INTS1: variants seen among roughly 807,000 people sequenced by gnomAD.
INTS1 encodes the protein integrator complex subunit 1.
Under a neutral mutation model 241.6 loss-of-function variants are expected in INTS1, and 137 were observed. The ratio of observed to expected loss-of-function variants is 0.57; its 90% CI spans 0.49 to 0.65. The LOEUF (loss-of-function observed/expected upper bound fraction) is 0.65, where lower values mean the gene tolerates loss of function less well. INTS1 is among the 30% of genes least tolerant of loss of function. INTS1 has a pLI of 0.00. For synonymous variants in INTS1, 1,692 were observed against 1,337.8 expected (o/e 1.26, Z -5.78); for missense variants, 3,073 against 3,032.2 (o/e 1.01, Z -0.32).
At chr7:1,492,962 G>A (rs1271819026) in intron 16 of INTS1, 48 bp downstream of exon 16, 1 of 1,448,598 alleles carries the variant, frequency 6.9e-7, no homozygotes, top group Non-Finnish European at 9.6e-7. Flanking sequence ...GTGGGGAGCG[G>A]GGCGCGGGCT....
At position 1,493,081 on chromosome 7, in the gene INTS1, C is replaced by T. The variant is rs763452655; in HGVS notation, c.2094G>A (p.Arg698=). ...TCAGAACGGCGTCGATCAGCTGGGT[C>T]CTCCCCACCTTCAGCACCTCCACAT... ...ADDVEVLKVG[R]TQLIDAVLNL... Residue 698 remains arginine, a synonymous_variant, in exon 16 of 48, where the codon AGG becomes AGA. Coordinates refer to ENST00000404767, the MANE Select transcript of INTS1 (RefSeq NM_001080453.3). The surrounding 1 kb of genome is among the most constrained non-coding windows in gnomAD (Gnocchi z 5.3). 1 of 1,613,552 alleles carries T rather than the reference C, an allele frequency of 6.2e-7. No homozygotes were observed.
intron 24 of INTS1, among the ~76,000 whole-genome samples, chr7:1,484,711 A>G (rs1252062042): frequency 6.6e-6 from 1 of 152,186 alleles, no homozygotes; most frequent in Non-Finnish European, 1.5e-5. Flanking sequence ...TGCTGTGAAC[A>G]AGGCACCCTC....
intron 26 of INTS1, chr7:1,483,445 C>G (rs1782092352): frequency 2.0e-6 from 1 of 490,076 alleles, no homozygotes; most frequent in South Asian, 2.1e-5. Context: ...CAGGCCTACA[C>G]GGTTAGGCTG....
rs921890234 is a variant in INTS1 at position 1,500,445 on chromosome 7, G to C, written c.350-79C>G. ...AGCCTCGGGACACCGGGAAGACCAC[G>C]AGGAACCCAGAGCTCTCAGGGTCGG... On this transcript the variant is annotated intron_variant, in intron 3 of 47. Transcript: ENST00000404767. 30 of 1,401,516 alleles carry C rather than the reference G, an allele frequency of 2.1e-5. No homozygotes were observed. The Admixed American group carries it at 7.0e-4, about 33-fold the overall frequency. 86.8% of individuals were successfully genotyped at this position (1,401,516 alleles called of 1,614,324 possible).
intron 27 of INTS1, chr7:1,482,313 G>A (rs1249158768): frequency 4.7e-6 from 2 of 422,220 alleles, no homozygotes; most frequent in Admixed American, 4.1e-5. Flanking sequence ...AGACCCCTGA[G>A]CCTGACAGTA....
At position 1,476,023 on chromosome 7, in the gene INTS1, C is replaced by CT. The variant is rs1454706775; in HGVS notation, c.5426dup (p.Arg1810AlafsTer10). On this transcript the variant is annotated frameshift_variant, in exon 39 of 48. Coordinates refer to ENST00000404767, the MANE Select transcript of INTS1 (RefSeq NM_001080453.3). LOFTEE classifies it high-confidence loss of function. ...GCACGGGCACCCGCAGCTCCGGCCG[C>CT]TGTAGGTAGAGCTGCAGGAGAAGGT... The CT allele has an allele frequency of 6.5e-7, 1 of 1,546,102 alleles. No homozygotes were observed.
intron 22 of INTS1, among the ~76,000 whole-genome samples, chr7:1,485,993 G>A (rs546473630): frequency 6.6e-6 from 1 of 152,174 alleles, no homozygotes; most frequent in South Asian, 2.1e-4. Context: ...GTAGAGATGG[G>A]TATCATTATG....
rs570996091 is a variant in INTS1 at position 1,482,790 on chromosome 7, C to A, written c.3542-83G>T. ...ACCGCTGGTGCCAAGGCTAGAGGCACCTCCTCTCCCGAGAAGGAAACTGAG... is the reference window on the plus strand; with the variant it reads ...ACCGCTGGTGCCAAGGCTAGAGGCAACTCCTCTCCCGAGAAGGAAACTGAG... On this transcript the variant is annotated intron_variant, in intron 26 of 47. Transcript: ENST00000404767. The A allele has an allele frequency of 9.3e-6, 14 of 1,504,364 alleles. No individual in the cohort carries two copies. The South Asian group carries it at 1.6e-4, about 18-fold the overall frequency. The allele number at this position is 1,504,364 out of a possible 1,614,324, so 93.2% of individuals were successfully genotyped here.
At chr7:1,495,093 G>C (rs1055591826) in intron 13 of INTS1, among the ~76,000 whole-genome samples, 200 bp from the exon 14 acceptor site, 1 of 137,524 alleles carries the variant, frequency 7.3e-6, no homozygotes, top group African/African-American at 3.0e-5. Context: ...CACAGCGGCC[G>C]AACGGGGCTG....
chr7:1,480,467 G>A, intron 29 of INTS1, 26 bp from the exon 30 acceptor site: 2 of 1,606,828 alleles, frequency 1.2e-6, no homozygotes, highest in African/African-American at 2.7e-5. Context: ...AACTGTCAGT[G>A]GCTGGACACT....
At position 1,487,665 on chromosome 7, in the gene INTS1, C is replaced by T. The variant is rs781514378; in HGVS notation, c.2516+95G>A. On this transcript the variant is annotated intron_variant, in intron 19 of 47. Transcript: ENST00000404767. ...CTTTCAGGTTCTGCCGCAGTGCGGTCGGCTCCGCCTGCTCCTTCAGCCTCT... is the reference window on the plus strand; with the variant it reads ...CTTTCAGGTTCTGCCGCAGTGCGGTTGGCTCCGCCTGCTCCTTCAGCCTCT... 3.4e-5 allele frequency: 50 copies of T among 1,479,578 alleles called. No individual in the cohort carries two copies. In the South Asian group the frequency reaches 3.7e-4, roughly 11 times the overall value. The allele number at this position is 1,479,578 out of a possible 1,614,324, so 91.7% of individuals were successfully genotyped here.
In INTS1 at chr7:1,484,115, T is replaced by G; in HGVS notation, c.3317A>C (p.Lys1106Thr). Reference protein sequence around the residue: ...RSTIMSHLFSKLSPSAASDAV... With the variant: ...RSTIMSHLFSTLSPSAASDAV... ...GTCCGACGCGGCACTCGGGGAGAGC[T>G]TCGAGAAGAGGTGGGACATGATGGT... The change falls in exon 25 of 48, where the codon AAG becomes ACG. Residue 1106 changes from lysine (K) to threonine (T), a missense_variant. Coordinates refer to ENST00000404767, the MANE Select transcript of INTS1 (RefSeq NM_001080453.3). 6.2e-7 allele frequency: 1 copy of G among 1,612,268 alleles called. No individual in the cohort carries two copies. The highest frequency in any genetic ancestry group is 8.5e-7 in the Non-Finnish European group (1 of 1,179,692).
intron 43 of INTS1, among the ~76,000 whole-genome samples, chr7:1,472,784 C>T (rs1242647601): frequency 8.5e-6 from 1 of 117,418 alleles, no homozygotes; most frequent in Non-Finnish European, 1.6e-5. Flanking sequence ...AGGGACACCT[C>T]GGACAAGCAC....
chr7:1,487,708 C>T (rs774994839), intron 19 of INTS1, 52 bp downstream of exon 19: 2 of 1,589,364 alleles, frequency 1.3e-6, no homozygotes, highest in Admixed American at 3.3e-5. Context: ...CCACACCAAC[C>T]ACCCACAGGT....
Position 1,489,583 on chromosome 7 carries a change from A to C in INTS1, c.2257+8T>G, listed in dbSNP as rs749724145. The C allele has an allele frequency of 6.4e-7, 1 of 1,570,648 alleles. No homozygotes were observed. Among genetic ancestry groups the C allele is most frequent in the Admixed American group, 1.8e-5 (1 of 55,464 alleles). ...CGTGTGCGCATGGGGCGGCCAGCAG[A>C]GGCTCACCGATGTTCTCTGGGTTGA... On this transcript the variant is annotated splice_region_variant and intron_variant, in intron 17 of 47. Transcript: ENST00000404767.
chr7:1,477,826 C>T lies in INTS1; in HGVS notation c.4741G>A (p.Val1581Met). The T allele has an allele frequency of 6.2e-7, 1 of 1,612,620 alleles. No individual in the cohort carries two copies. The highest frequency in any genetic ancestry group is 8.5e-7 in the Non-Finnish European group (1 of 1,179,834). The stretch of plus-strand genomic sequence containing the variant: ...TGCAGCAGCAGGGAGCTCACCACCA[C>T]AACGGGCTTACAGGCTGGAAACGGG... ...ASPFPACKPV[V>M]VVSSLLLQEE... The change falls in exon 34 of 48, where the codon GTG (valine) becomes ATG (methionine). Residue 1581 changes from valine (V) to methionine (M), a missense_variant. Physicochemically the swap from Val to Met is conservative, Grantham distance 21. Transcript: ENST00000404767.
rs771194115 is a variant in INTS1 at position 1,499,332 on chromosome 7, C to T, written c.873G>A (p.Glu291=). The T allele has an allele frequency of 2.5e-6, 4 of 1,599,626 alleles. No individual in the cohort carries two copies. The highest frequency in any genetic ancestry group is 3.4e-6 in the Non-Finnish European group (4 of 1,172,936). Residue 291 remains glutamate, a synonymous_variant, in exon 7 of 48, where the codon GAG becomes GAA. Coordinates refer to ENST00000404767, the MANE Select transcript of INTS1 (RefSeq NM_001080453.3). ...GCAACTCCGTCTGGCTGTCCTCCTC[C>T]TCCGTGAGGGAGGGGTGTGGGCTGC... ...AGSSPHPSLT[E]EEDSQTELLI...
rs902806528 is a variant in INTS1 at position 1,486,499 on chromosome 7, A to G, written c.2976+126T>C. 2.9e-6 allele frequency: 3 copies of G among 1,045,406 alleles called. No individual in the cohort carries two copies. In the African/African-American group the frequency reaches 4.8e-5, roughly 17 times the overall value. 64.8% of individuals were successfully genotyped at this position (1,045,406 alleles called of 1,614,324 possible). Reference sequence around the variant, plus strand: ...AGGCTGGTCTCCAACTCCTGACCTCAGGTAATCTGCCTGCCTTGGCCTCCC... The same window carrying G: ...AGGCTGGTCTCCAACTCCTGACCTCGGGTAATCTGCCTGCCTTGGCCTCCC... On this transcript the variant is annotated intron_variant, in intron 22 of 47. Coordinates refer to ENST00000404767, the MANE Select transcript of INTS1 (RefSeq NM_001080453.3).
Position 1,487,409 on chromosome 7 carries a change from C to G in INTS1, c.2557G>C (p.Val853Leu). 1 of 1,612,188 alleles carries G rather than the reference C, an allele frequency of 6.2e-7. No individual in the cohort carries two copies. The highest frequency in any genetic ancestry group is 8.5e-7 in the Non-Finnish European group (1 of 1,179,524). Reference sequence around the variant, plus strand: ...CGGAGGGACTGGTTGAGGCTTTTCACTTGATCCAGGATGTGAGGGGGAGGC... The same window carrying G: ...CGGAGGGACTGGTTGAGGCTTTTCAGTTGATCCAGGATGTGAGGGGGAGGC... ...RRPPPHILDQ[V>L]KSLNQSLRLG... is the part of the protein sequence containing the mutation. Residue 853 changes from valine (V) to leucine (L), a missense_variant, in exon 20 of 48, where the codon GTG becomes CTG. By Grantham distance (32) the Val-to-Leu change is conservative. Coordinates refer to ENST00000404767, the MANE Select transcript of INTS1 (RefSeq NM_001080453.3).
Sources: gnomAD v4.1 joint callset for allele counts (sites outside exome capture counted in the v4.1 genomes callset) on GRCh38, gnomAD v4.1.1 for gene constraint, Gnocchi (gnomAD v3.1) non-coding constraint, MANE v1.5 for transcripts, NCBI Gene and HGNC (gene_info 2026-07-23, HGNC 2026-07-21) for gene names.